Variants in ERICH1 observed in about 807,000 individuals in gnomAD.
ERICH1 encodes glutamate-rich protein 1.
Under a neutral mutation model 39.6 loss-of-function variants are expected in ERICH1, and 56 were observed. The ratio of observed to expected loss-of-function variants is 1.41; its 90% CI spans 1.14 to 1.77. The LOEUF (loss-of-function observed/expected upper bound fraction) is 1.77, where lower values mean the gene tolerates loss of function less well. ERICH1 is among the 40% of genes most tolerant of loss of function. The probability of loss-of-function intolerance (pLI) is 0.00; values close to 1 mark genes in which losing one functional copy is unlikely to be tolerated. For synonymous variants in ERICH1, 313 were observed against 223.6 expected (o/e 1.40, Z -3.57); for missense variants, 826 against 575.4 (o/e 1.44, Z -4.45).
At chr8:629,283 C>T (rs1355713736) in intron 3 of ERICH1, among the ~76,000 whole-genome samples, 1 of 151,936 alleles carries the variant, frequency 6.6e-6, no homozygotes, top group East Asian at 1.9e-4. Context: ...AACTACATGA[C>T]GTACAGCTGA....
chr8:643,266 G>A (rs1799225346), intron 3 of ERICH1, among the ~76,000 whole-genome samples: 1 of 152,012 alleles, frequency 6.6e-6, no homozygotes, highest in Admixed American at 6.5e-5. Flanking sequence ...GTCGCAGCAG[G>A]GACGGGAAGC....
chr8:697,164 C>T (rs954226012), intron 2 of ERICH1, among the ~76,000 whole-genome samples: 4 of 152,168 alleles, frequency 2.6e-5, no homozygotes, highest in Non-Finnish European at 5.9e-5. Flanking sequence ...ATGAATCCAG[C>T]AGCGAACTCT....
chr8:624,235 G>C (rs1252090883), intron 3 of ERICH1, among the ~76,000 whole-genome samples: 1 of 152,172 alleles, frequency 6.6e-6, no homozygotes, highest in South Asian at 2.1e-4. Flanking sequence ...GAGAAAGATA[G>C]ATGATGTAAA....
intron 1 of ERICH1, among the ~76,000 whole-genome samples, chr8:730,299 C>T (rs1187401999): frequency 1.3e-5 from 2 of 152,216 alleles, no homozygotes; most frequent in Admixed American, 6.5e-5. Flanking sequence ...TTCTGCCTCA[C>T]TGAGAAATTT....
intron 3 of ERICH1, among the ~76,000 whole-genome samples, chr8:622,969 A>C (rs1436609075): frequency 1.3e-5 from 2 of 151,708 alleles, no homozygotes; most frequent in African/African-American, 4.8e-5. Context: ...TAAATAAATA[A>C]ATAAATAAAT....
intron 3 of ERICH1, among the ~76,000 whole-genome samples, chr8:677,474 G>A (rs1443102295): frequency 4.6e-5 from 7 of 152,186 alleles, no homozygotes; most frequent in Admixed American, 1.3e-4. Flanking sequence ...GAGTCTCCTC[G>A]ACACCTTCAT....
chr8:716,837 TG>T (rs1337264604), intron 1 of ERICH1, among the ~76,000 whole-genome samples: 5 of 151,876 alleles, frequency 3.3e-5, no homozygotes, highest in African/African-American at 9.7e-5. Context: ...GAGGAGACGC[TG>T]GGGGTGGCTT....
At chr8:701,707 G>T (rs1046321252) in intron 2 of ERICH1, among the ~76,000 whole-genome samples, 9 of 152,166 alleles carry the variant, frequency 5.9e-5, no homozygotes, top group African/African-American at 1.4e-4. Context: ...TTTAGATAAA[G>T]ATTTCTTAAA....
intron 3 of ERICH1, among the ~76,000 whole-genome samples, chr8:677,820 G>A (rs938893353): frequency 2.0e-4 from 30 of 152,058 alleles, no homozygotes; most frequent in African/African-American, 6.8e-4. Flanking sequence ...GACAGGTCAC[G>A]GGGGCGACCC....
intron 5 of ERICH1, among the ~76,000 whole-genome samples, chr8:665,594 GA>G (rs1359408842): frequency 5.3e-5 from 8 of 152,248 alleles, no homozygotes; most frequent in African/African-American, 1.9e-4. Context: ...TTCCCATACA[GA>G]GAATTAGAGG....
At position 664,485 on chromosome 8, in the gene ERICH1, T is replaced by C. The variant is rs1801891747; in HGVS notation, c.*118A>G. 3 of 1,338,044 alleles carry C rather than the reference T, an allele frequency of 2.2e-6. No homozygotes were observed. The highest frequency in any genetic ancestry group is 2.5e-5 in the East Asian group (1 of 39,326). The allele number at this position is 1,338,044 out of a possible 1,614,324, so 82.9% of individuals were successfully genotyped here. A position where few individuals can be genotyped will look rare whatever the true frequency, so the allele number is the denominator to read the frequency against. On this transcript the variant is annotated 3_prime_UTR_variant, in exon 6 of 6. Coordinates refer to ENST00000262109, the MANE Select transcript of ERICH1 (RefSeq NM_207332.3). ...TGCCCACCAGGAACAAACACGTGAATAAATAATATGGCATAAATGTCTTTC... is the reference window on the plus strand; with the variant it reads ...TGCCCACCAGGAACAAACACGTGAACAAATAATATGGCATAAATGTCTTTC...
At position 668,183 on chromosome 8, in the gene ERICH1, T is replaced by A. The variant is rs369763578; in HGVS notation, c.1258+415A>T. 1.2e-4 allele frequency: 31 copies of A among 251,892 alleles called. No homozygotes were observed. In the East Asian group the frequency reaches 3.2e-3, roughly 26 times the overall value. 15.6% of individuals were successfully genotyped at this position (251,892 alleles called of 1,614,324 possible). A position where few individuals can be genotyped will look rare whatever the true frequency, so the allele number is the denominator to read the frequency against. Reference sequence around the variant, plus strand: ...CAGTTTGCATGAAAAGGATGCCCGGTGAAGGTGGCAGAAAATAAAAGTCGT... The same window carrying A: ...CAGTTTGCATGAAAAGGATGCCCGGAGAAGGTGGCAGAAAATAAAAGTCGT... On this transcript the variant is annotated intron_variant, in intron 5 of 5. Coordinates refer to ENST00000262109, the MANE Select transcript of ERICH1 (RefSeq NM_207332.3).
chr8:616,794 G>GGGAAGAGAGGGGGGA (rs1796931787), intron 3 of ERICH1, among the ~76,000 whole-genome samples: 1 of 105,954 alleles, frequency 9.4e-6, no homozygotes, highest in Non-Finnish European at 1.8e-5. Context: ...GAGAGAGATG[G>GGGAAGAGAGGGGGGA]GGAAGAGAGG....
intron 5 of ERICH1, 29 bp downstream of exon 5, chr8:668,569 G>A (rs1203570010): frequency 1.9e-6 from 3 of 1,613,286 alleles, no homozygotes; most frequent in African/African-American, 1.3e-5. Context: ...ATCTTAAGCA[G>A]GACCTTGAAT....
At position 725,221 on chromosome 8, in the gene ERICH1, C is replaced by T. The variant is rs1818316580; in HGVS notation, c.22+5919G>A. The T allele has an allele frequency of 3.2e-5, 6 of 188,446 alleles. No individual in the cohort carries two copies. The South Asian group carries it at 4.7e-4, about 15-fold the overall frequency. 11.7% of individuals were successfully genotyped at this position (188,446 alleles called of 1,614,324 possible). The stretch of plus-strand genomic sequence containing the variant: ...CCCTCCGGCTTCCGTGCCTGCTGTC[C>T]TCTCCGGCTTCCTGTCTGCTCTGTT... On this transcript the variant is annotated intron_variant, in intron 1 of 5. Coordinates refer to ENST00000262109, the MANE Select transcript of ERICH1 (RefSeq NM_207332.3).
chr8:615,273 T>C lies in ERICH1; in HGVS notation c.988A>G (p.Arg330Gly), dbSNP rs944567781. ...CTTCTTATTTTCTTGGCTTTAAGTC[T>C]GCTTAGGACTCCTGGAAAATCAGGT... The change falls in exon 4 of 4, where the codon AGA becomes GGA. Residue 330 changes from arginine (R) to glycine (G), a missense_variant. By Grantham distance (125) the Arg-to-Gly change is moderately radical (BLOSUM62 -2). Coordinates refer to the ERICH1 transcript ENST00000522706. 4.3e-6 allele frequency: 3 copies of C among 694,910 alleles called. No homozygotes were observed. In the African/African-American group the frequency reaches 5.3e-5, roughly 12 times the overall value. 43.0% of individuals were successfully genotyped at this position (694,910 alleles called of 1,614,324 possible). A position where few individuals can be genotyped will look rare whatever the true frequency, so the allele number is the denominator to read the frequency against.
chr8:630,683 C>T (rs71231911), intron 3 of ERICH1, among the ~76,000 whole-genome samples: 1 of 118,320 alleles, frequency 8.5e-6, no homozygotes, highest in Admixed American at 8.2e-5. Context: ...CACACCCTCC[C>T]GTGAGCACCC....
At chr8:693,631 T>C (rs1260862518) in intron 2 of ERICH1, among the ~76,000 whole-genome samples, 1 of 149,850 alleles carries the variant, frequency 6.7e-6, no homozygotes, top group African/African-American at 2.5e-5. Context: ...TGTGCCCCTC[T>C]ACCAGAGGTC....
At chr8:723,348 A>G (rs919874763) in intron 1 of ERICH1, among the ~76,000 whole-genome samples, 1 of 152,256 alleles carries the variant, frequency 6.6e-6, no homozygotes, top group Admixed American at 6.5e-5. Flanking sequence ...TAACACTCAC[A>G]GAGAACAAAA....
Sources: allele counts gnomAD v4.1 joint callset (sites outside exome capture counted in the v4.1 genomes callset), GRCh38; gene constraint gnomAD v4.1.1; transcripts MANE v1.5; gene names NCBI Gene and HGNC (gene_info 2026-07-23, HGNC 2026-07-21).